Variants in ZNF138 observed in about 807,000 individuals in gnomAD.
The protein encoded by ZNF138 is zinc finger protein 138 (clone pHZ-32).
Under a neutral mutation model 33.0 loss-of-function variants are expected in ZNF138, and 33 were observed. That is an observed-to-expected ratio of 1.00 (90% CI 0.76 to 1.34). The LOEUF (loss-of-function observed/expected upper bound fraction) is 1.34, where lower values mean the gene tolerates loss of function less well. Among genes scored for constraint, ZNF138 ranks in the 40% most tolerant of loss-of-function variants. The pLI is 0.00. For synonymous variants in ZNF138, 139 were observed against 120.4 expected, an observed-to-expected ratio of 1.15 and a Z score of -1.01; for missense variants, 360 against 370.8, an observed-to-expected ratio of 0.97 and a Z score of 0.24.
chr7:64,831,980 T>C lies in ZNF138; in HGVS notation c.738T>C (p.Thr246=), dbSNP rs746614751. The C allele has an allele frequency of 3.1e-6, 5 of 1,613,416 alleles. No individual in the cohort carries two copies. Among genetic ancestry groups the C allele is most frequent in the Admixed American group, 1.7e-5 (1 of 59,894 alleles). Residue 246 remains threonine, a synonymous_variant, in exon 4 of 4, where the codon ACT becomes ACC. Coordinates refer to ENST00000307355, the MANE Select transcript of ZNF138 (RefSeq NM_001271639.2). The stretch of plus-strand genomic sequence containing the variant: ...TTACTAAACATAAGATAATTCGTAC[T>C]GGAGAAAAACCCTATAAATGTGCAC... ...SILTKHKIIR[T]GEKPYKCAHC... is the part of the protein sequence containing the mutation.
At chr7:64,852,590 A>G in the ZNF138 span, 1 of 1,540,866 alleles carries the variant, frequency 6.5e-7, no homozygotes, top group Non-Finnish European at 9.0e-7. Flanking sequence ...CTCACATGGT[A>G]AACAGATCAG....
At chr7:64,795,503 C>A (rs1786613316) in intron 1 of ZNF138, among the ~76,000 whole-genome samples, 1 of 152,190 alleles carries the variant, frequency 6.6e-6, no homozygotes, top group Non-Finnish European at 1.5e-5. Context: ...CTTCCTAATT[C>A]ACATTATCAA....
chr7:64,819,644 C>T (rs1468794970), intron 3 of ZNF138, among the ~76,000 whole-genome samples: 1 of 152,156 alleles, frequency 6.6e-6, no homozygotes, highest in East Asian at 1.9e-4. Context: ...GCTAGGATTA[C>T]AAGCGGCAGC....
In ZNF138 at chr7:64,815,052, T is replaced by C. The variant is rs1788500010; in HGVS notation, c.130+8T>C. The C allele has an allele frequency of 6.3e-7, 1 of 1,596,996 alleles. No homozygotes were observed. The highest frequency in any genetic ancestry group is 2.3e-5 in the East Asian group (1 of 44,242). On this transcript the variant is annotated splice_region_variant and intron_variant, in intron 2 of 3. Transcript: ENST00000307355. ...GAAACCTGGTTTTCTTGGGTGAGAA[T>C]AACTTCAGTACACATTTCCTAATAT...
chr7:64,800,087 AAG>A (rs1210611475), intron 1 of ZNF138, among the ~76,000 whole-genome samples: 16 of 152,232 alleles, frequency 1.1e-4, no homozygotes, highest in Non-Finnish European at 1.5e-5. Context: ...GGAGACAGAA[AAG>A]AGAAGAACTT....
At chr7:64,822,854 T>C (rs1002231332) in intron 3 of ZNF138, among the ~76,000 whole-genome samples, 39 of 146,904 alleles carry the variant, frequency 2.7e-4, no homozygotes, top group African/African-American at 9.9e-4. Flanking sequence ...GTATGTTGTA[T>C]TGACATCTTT....
intron 1 of ZNF138, among the ~76,000 whole-genome samples, chr7:64,797,626 A>G (rs559558537): frequency 6.6e-6 from 1 of 152,276 alleles, no homozygotes; most frequent in Admixed American, 6.5e-5. Context: ...GAAGCTACAG[A>G]GCCCTGGAAA....
intron 1 of ZNF138, among the ~76,000 whole-genome samples, chr7:64,801,634 A>C (rs953300561): frequency 2.0e-5 from 3 of 152,074 alleles, no homozygotes; most frequent in African/African-American, 7.2e-5. Flanking sequence ...AATATATATT[A>C]TGTTGTTTTT....
At chr7:64,851,992 ACT>A in the ZNF138 span, among the ~76,000 whole-genome samples, 1 of 152,140 alleles carries the variant, frequency 6.6e-6, no homozygotes, top group Non-Finnish European at 1.5e-5. Context: ...ACCATTCAAG[ACT>A]CTTAAAAAAT....
At chr7:64,804,212 T>C (rs7792538) in intron 1 of ZNF138, among the ~76,000 whole-genome samples, 64,621 of 152,066 alleles carry the variant, frequency 0.42, 15,381 homozygotes, top group East Asian at 0.56. Context: ...TAGTTAAAGA[T>C]TGACCCCTGA....
In ZNF138 at chr7:64,831,456, T is replaced by C. The variant is rs1363094235; in HGVS notation, c.214T>C (p.Cys72Arg). 3 of 1,549,568 alleles carry C rather than the reference T, an allele frequency of 1.9e-6. No individual in the cohort carries two copies. The highest frequency in any genetic ancestry group is 2.6e-6 in the Non-Finnish European group (3 of 1,153,902). Residue 72 changes from cysteine (C) to arginine (R), a missense_variant, in exon 4 of 4, where the codon TGT becomes CGT. Cys to Arg is a radical substitution (Grantham distance 180, BLOSUM62 -3). Coordinates refer to ENST00000307355, the MANE Select transcript of ZNF138 (RefSeq NM_001271639.2). Reference sequence around the variant, plus strand: ...TTATTTTTTGTTTCTTTCAGCTCTGTGTTCTCGTTTTGCCCAAGACCTTTG... The same window carrying C: ...TTATTTTTTGTTTCTTTCAGCTCTGCGTTCTCGTTTTGCCCAAGACCTTTG... ...EMVVAKHSALCSRFAQDLWLE... is the reference protein window; with the variant it reads ...EMVVAKHSALRSRFAQDLWLE...
chr7:64,799,886 G>A (rs1027674950), intron 1 of ZNF138, among the ~76,000 whole-genome samples: 3 of 152,150 alleles, frequency 2.0e-5, no homozygotes, highest in South Asian at 2.1e-4. Flanking sequence ...GGTGTTAGGC[G>A]ATCCACCCAC....
chr7:64,842,763 C>T, the ZNF138 span, among the ~76,000 whole-genome samples: 3 of 152,112 alleles, frequency 2.0e-5, no homozygotes, highest in Non-Finnish European at 4.4e-5. Flanking sequence ...AAACATAATA[C>T]TTGGAAGTAT....
At chr7:64,819,448 A>G (rs116052384) in intron 3 of ZNF138, among the ~76,000 whole-genome samples, 1,639 of 150,794 alleles carry the variant, frequency 0.011, 34 homozygotes, top group African/African-American at 0.036. Flanking sequence ...GCTCACTGCA[A>G]CCTCCACCTT....
chr7:64,796,419 C>T (rs534945869), intron 1 of ZNF138, among the ~76,000 whole-genome samples: 6 of 151,764 alleles, frequency 4.0e-5, no homozygotes, highest in Non-Finnish European at 8.8e-5. Flanking sequence ...TCAGCACTGC[C>T]ACTCCCTGGG....
intron 1 of ZNF138, among the ~76,000 whole-genome samples, chr7:64,810,830 G>A (rs905760918): frequency 4.4e-4 from 67 of 151,842 alleles, no homozygotes; most frequent in Admixed American, 1.2e-3. Flanking sequence ...AGAGTACTGG[G>A]TGGTGAATCC....
At chr7:64,820,927 TG>T (rs1306111563) in intron 3 of ZNF138, among the ~76,000 whole-genome samples, 1 of 151,494 alleles carries the variant, frequency 6.6e-6, no homozygotes, top group Non-Finnish European at 1.5e-5. Context: ...ACTGCATTCT[TG>T]TTTTCCACCA....
intron 3 of ZNF138, among the ~76,000 whole-genome samples, chr7:64,826,972 G>T (rs1436904284): frequency 6.6e-6 from 1 of 151,684 alleles, no homozygotes; most frequent in Non-Finnish European, 1.5e-5. Flanking sequence ...TTCTGTAGAA[G>T]AAGTTTAAGG....
the ZNF138 span, among the ~76,000 whole-genome samples, chr7:64,848,061 C>T: frequency 6.6e-6 from 1 of 152,114 alleles, no homozygotes; most frequent in Non-Finnish European, 1.5e-5. Flanking sequence ...GTGGCAAATG[C>T]TCTCAGCATT....
Sources: allele counts gnomAD v4.1 joint callset (sites outside exome capture counted in the v4.1 genomes callset), GRCh38; gene constraint gnomAD v4.1.1; transcripts MANE v1.5; gene names NCBI Gene and HGNC (gene_info 2026-07-23, HGNC 2026-07-21).